ARMC1: variants seen among roughly 807,000 people sequenced by gnomAD.
The protein encoded by ARMC1 is armadillo repeat-containing protein 1.
In ARMC1, 16 loss-of-function variants were observed where a neutral mutation model predicts 31.4. The ratio of observed to expected loss-of-function variants is 0.51; its 90% CI spans 0.34 to 0.77. ARMC1 has a LOEUF of 0.77. ARMC1 is among the 30% of genes least tolerant of loss of function. The pLI is 0.01. For missense variants in ARMC1, 259 were observed against 347.5 expected (o/e 0.75, Z 2.02); for synonymous variants, 114 against 118.9 (o/e 0.96, Z 0.27).
At chr8:65,616,304 C>T (rs866245126) in intron 3 of ARMC1, among the ~76,000 whole-genome samples, 81 of 152,282 alleles carry the variant, frequency 5.3e-4, no homozygotes, top group Middle Eastern at 3.4e-3. Flanking sequence ...GACTGGTTTT[C>T]GTATTTTTTT....
chr8:65,613,571 T>A, intron 3 of ARMC1, 138 bp from the exon 4 acceptor site: 1 of 523,042 alleles, frequency 1.9e-6, no homozygotes. Context: ...AATCCTAGAA[T>A]AATCAATAAT....
intron 1 of ARMC1, among the ~76,000 whole-genome samples, chr8:65,632,476 G>T (rs1162218000): frequency 2.0e-5 from 3 of 152,124 alleles, no homozygotes; most frequent in African/African-American, 7.2e-5. Flanking sequence ...AGCCAGGCGT[G>T]GTGGGGGGCA....
intron 2 of ARMC1, among the ~76,000 whole-genome samples, 153 bp from the exon 3 acceptor site, chr8:65,622,507 T>C (rs1016587696): frequency 6.6e-6 from 1 of 152,230 alleles, no homozygotes; most frequent in Non-Finnish European, 1.5e-5. Context: ...AATTATTCCC[T>C]AGGGAAGAAA....
chr8:65,625,851 T>C (rs763135140), intron 2 of ARMC1, among the ~76,000 whole-genome samples: 38 of 152,126 alleles, frequency 2.5e-4, no homozygotes, highest in African/African-American at 8.2e-4. Flanking sequence ...TAAAGGGCAA[T>C]AGATAAAATT....
intron 3 of ARMC1, among the ~76,000 whole-genome samples, chr8:65,619,552 G>A (rs865824665): frequency 3.3e-5 from 5 of 151,238 alleles, no homozygotes; most frequent in African/African-American, 1.2e-4. Flanking sequence ...GAAAAAAAAA[G>A]AAATTTTCGA....
chr8:65,629,262 A>C (rs1449633061), intron 1 of ARMC1, among the ~76,000 whole-genome samples: 1 of 152,206 alleles, frequency 6.6e-6, no homozygotes, highest in Non-Finnish European at 1.5e-5. Context: ...TTGTGACAAC[A>C]TGGACAGAAC....
chr8:65,632,364 TAA>T (rs898631234), intron 1 of ARMC1, among the ~76,000 whole-genome samples: 4 of 151,704 alleles, frequency 2.6e-5, no homozygotes, highest in African/African-American at 9.7e-5. Context: ...ATAATAATAA[TAA>T]AATTTGGGAG....
In ARMC1 at chr8:65,632,330, G is replaced by C. The variant is rs1229153427; in HGVS notation, c.-36+1668C>G. 2.0e-5 allele frequency among the ~76,000 whole-genome samples: 3 copies of C among 152,202 alleles called. No individual in the cohort carries two copies. The East Asian group carries it at 5.8e-4, about 29-fold the overall frequency. Reference sequence around the variant, plus strand: ...CACCTGAGCCTGGGAGCTCGACAGAGTGACAGCTCATCTCAAAATAATAAT... The same window carrying C: ...CACCTGAGCCTGGGAGCTCGACAGACTGACAGCTCATCTCAAAATAATAAT... On this transcript the variant is annotated intron_variant, in intron 1 of 6. Coordinates refer to ENST00000276569, the MANE Select transcript of ARMC1 (RefSeq NM_018120.6).
At position 65,615,400 on chromosome 8, in the gene ARMC1, T is replaced by TA. The variant is rs10612716; in HGVS notation, c.276-1968dup. 2.9e-4 allele frequency among the ~76,000 whole-genome samples: 41 copies of TA among 140,036 alleles called. No individual in the cohort carries two copies. The East Asian group carries it at 3.4e-3, about 12-fold the overall frequency. The allele number at this position is 140,036 out of a possible 152,430, so 91.9% of individuals were successfully genotyped here. The stretch of plus-strand genomic sequence containing the variant: ...ATTAGAGAAACTTACGAACTTAAGT[T>TA]AAAAAAAAAAAAAAAAAAACAGGGC... On this transcript the variant is annotated intron_variant, in intron 3 of 6. Coordinates refer to ENST00000276569, the MANE Select transcript of ARMC1 (RefSeq NM_018120.6).
intron 1 of ARMC1, among the ~76,000 whole-genome samples, chr8:65,630,966 T>C (rs763484923): frequency 5.3e-5 from 8 of 152,116 alleles, no homozygotes; most frequent in African/African-American, 1.4e-4. Context: ...CCTGAGACTA[T>C]TGTACAGTAT....
In ARMC1 at chr8:65,604,218, C is replaced by G; in HGVS notation, c.*176G>C. Reference sequence around the variant, plus strand: ...AGCAACTCCATCTGTAGCCTCTGTCCTTTTTACCACTCAGTGGGGTAAAAT... The same window carrying G: ...AGCAACTCCATCTGTAGCCTCTGTCGTTTTTACCACTCAGTGGGGTAAAAT... On this transcript the variant is annotated 3_prime_UTR_variant, in exon 7 of 7. Coordinates refer to ENST00000276569, the MANE Select transcript of ARMC1 (RefSeq NM_018120.6). The G allele has an allele frequency of 1.7e-6, 1 of 572,286 alleles. No individual in the cohort carries two copies. The highest frequency in any genetic ancestry group is 2.7e-5 in the South Asian group (1 of 36,594). 35.5% of individuals were successfully genotyped at this position (572,286 alleles called of 1,614,324 possible).
At chr8:65,624,336 TA>T (rs1216146743) in intron 2 of ARMC1, among the ~76,000 whole-genome samples, 2 of 151,240 alleles carry the variant, frequency 1.3e-5, no homozygotes, top group Non-Finnish European at 2.9e-5. Context: ...CTGTCTCTAC[TA>T]AAAATACAAA....
At chr8:65,611,007 C>A (rs756583797) in intron 4 of ARMC1, among the ~76,000 whole-genome samples, 7 of 151,702 alleles carry the variant, frequency 4.6e-5, no homozygotes, top group Non-Finnish European at 5.9e-5. Flanking sequence ...GATTTCCACT[C>A]ACTGCAACCT....
At chr8:65,622,598 T>C (rs1201119234) in intron 2 of ARMC1, among the ~76,000 whole-genome samples, 1 of 152,164 alleles carries the variant, frequency 6.6e-6, no homozygotes, top group Non-Finnish European at 1.5e-5. Flanking sequence ...ATTAGGTTGT[T>C]CTGGTTTTAC....
intron 2 of ARMC1, among the ~76,000 whole-genome samples, 164 bp downstream of exon 2, chr8:65,627,052 G>A (rs953684484): frequency 2.0e-5 from 3 of 151,830 alleles, no homozygotes; most frequent in Non-Finnish European, 4.4e-5. Context: ...TACCACTGGT[G>A]TAAACAGACC....
chr8:65,605,143 C>T, intron 6 of ARMC1, 120 bp downstream of exon 6: 1 of 809,020 alleles, frequency 1.2e-6, no homozygotes, highest in Non-Finnish European at 1.9e-6. Flanking sequence ...AACTGTTAAC[C>T]AAGAAACAGC....
intron 3 of ARMC1, among the ~76,000 whole-genome samples, 176 bp downstream of exon 3, chr8:65,622,087 A>C (rs965970364): frequency 2.6e-5 from 4 of 152,210 alleles, no homozygotes; most frequent in African/African-American, 9.7e-5. Flanking sequence ...AGTTAACTAC[A>C]GGACATTAAA....
intron 1 of ARMC1, among the ~76,000 whole-genome samples, chr8:65,630,227 A>C (rs564031169): frequency 6.6e-6 from 1 of 152,238 alleles, no homozygotes; most frequent in African/African-American, 2.4e-5. Flanking sequence ...AGATATGTTA[A>C]CTAGCTTGAT....
At position 65,634,122 on chromosome 8, in the gene ARMC1, G is replaced by A. The variant is rs1473600; in HGVS notation, c.-160C>T. The A allele has an allele frequency of 0.84, 128,751 of 152,416 alleles. 54,631 individuals are homozygous for A. The highest frequency in any genetic ancestry group is 0.89 in the African/African-American group (36,817 of 41,582). The allele number at this position is 152,416 out of a possible 1,614,324, so 9.4% of individuals were successfully genotyped here. A position where few individuals can be genotyped will look rare whatever the true frequency, so the allele number is the denominator to read the frequency against. On this transcript the variant is annotated 5_prime_UTR_variant, in exon 1 of 7. Coordinates refer to ENST00000276569, the MANE Select transcript of ARMC1 (RefSeq NM_018120.6). ...GCAGCCCCGGCCGCGGCGATCGCAA[G>A]CAACCGGACTAACTCAGGGAGCCAA...
Sources: allele counts gnomAD v4.1 joint callset (sites outside exome capture counted in the v4.1 genomes callset), GRCh38; gene constraint gnomAD v4.1.1; transcripts MANE v1.5; gene names NCBI Gene and HGNC (gene_info 2026-07-23, HGNC 2026-07-21).